FMO5: variants seen among roughly 807,000 people sequenced by gnomAD.
The protein encoded by FMO5 is flavin-containing monooxygenase 5.
In FMO5, 51 loss-of-function variants were observed where a neutral mutation model predicts 43.6. The ratio of observed to expected loss-of-function variants is 1.17; its 90% confidence interval spans 0.93 to 1.48. The LOEUF is 1.48. Among genes scored for constraint, FMO5 ranks in the 40% most tolerant of loss-of-function variants. The pLI is 0.00. For missense variants in FMO5, 644 were observed against 643.0 expected (o/e 1.00, Z -0.02); for synonymous variants, 187 against 216.5 (o/e 0.86, Z 1.20).
At chr1:147,219,129 C>G (rs1553925716) in intron 2 of FMO5, among the ~76,000 whole-genome samples, 1 of 152,024 alleles carries the variant, frequency 6.6e-6, no homozygotes, top group African/African-American at 2.4e-5. Context: ...TTTGGAGACA[C>G]CAAAAACTAT....
intron 6 of FMO5, chr1:147,204,987 A>ATG: frequency 9.8e-7 from 1 of 1,022,430 alleles, no homozygotes; most frequent in Non-Finnish European, 1.5e-6. Context: ...CGGAGGAACC[A>ATG]AAGGTTTTCA....
chr1:147,205,959 T>C (rs1428445289), intron 6 of FMO5, among the ~76,000 whole-genome samples: 1 of 151,984 alleles, frequency 6.6e-6, no homozygotes, highest in Non-Finnish European at 1.5e-5. Context: ...CAAAAGAAAC[T>C]ACCATCAAAG....
chr1:147,218,588 C>G (rs1358853949), intron 2 of FMO5, among the ~76,000 whole-genome samples: 3 of 152,150 alleles, frequency 2.0e-5, no homozygotes, highest in Admixed American at 1.3e-4. Flanking sequence ...CTGATAAATA[C>G]AAAGTAGATC....
Position 147,201,256 on chromosome 1 carries a change from TTA to T in FMO5, c.1077_1078del (p.Asn360ProfsTer34), listed in dbSNP as rs781928733. ...GATTGCAAGAGTTGGCCTTTCCAGG[TTA>T]GGAGGGAAGACCTTTTTATACAGGG... On this transcript the variant is annotated frameshift_variant, in exon 7 of 9. Transcript: ENST00000254090. LOFTEE classifies it high-confidence loss of function. 5 of 1,614,138 alleles carry T rather than the reference TTA, an allele frequency of 3.1e-6. No individual in the cohort carries two copies. In the East Asian group the frequency reaches 1.1e-4, roughly 36 times the overall value.
chr1:147,188,638 C>T (rs1656075422), intron 8 of FMO5, among the ~76,000 whole-genome samples: 1 of 149,744 alleles, frequency 6.7e-6, no homozygotes, highest in Admixed American at 6.7e-5. Context: ...ACAATGTATA[C>T]ACATAGTCGG....
chr1:147,201,792 T>C (rs959630059), intron 6 of FMO5, among the ~76,000 whole-genome samples: 4 of 152,138 alleles, frequency 2.6e-5, no homozygotes, highest in African/African-American at 9.7e-5. Context: ...ATTCTGTGTG[T>C]GATATGATAA....
chr1:147,198,872 A>AAAAAAAAAAAAAAAAAG (rs1553920319), intron 7 of FMO5, among the ~76,000 whole-genome samples: 1 of 144,594 alleles, frequency 6.9e-6, no homozygotes. Context: ...AAAAAAAAAA[A>AAAAAAAAAAAAAAAAAG]AAAGAAAGAA....
At chr1:147,199,601 G>A (rs980649180) in intron 7 of FMO5, among the ~76,000 whole-genome samples, 9 of 152,196 alleles carry the variant, frequency 5.9e-5, no homozygotes, top group Non-Finnish European at 1.3e-4. Context: ...GTTGCTTAAA[G>A]TATACTAAGA....
upstream of FMO5, among the ~76,000 whole-genome samples, chr1:147,226,838 C>CTTTTT (rs35603968): frequency 2.0e-5 from 3 of 148,942 alleles, no homozygotes; most frequent in East Asian, 2.0e-4. Flanking sequence ...AACTGTCGAA[C>CTTTTT]TTTTTTTTTT....
At chr1:147,216,967 G>A (rs28381177) in intron 2 of FMO5, among the ~76,000 whole-genome samples, 8 of 152,304 alleles carry the variant, frequency 5.3e-5, no homozygotes, top group Non-Finnish European at 7.4e-5. Flanking sequence ...GAGGCCGGGC[G>A]TGGTGGCTCA....
chr1:147,184,717 G>T, downstream of FMO5: 1 of 1,329,482 alleles, frequency 7.5e-7, no homozygotes, highest in South Asian at 2.2e-5. This position sits in a 1 kb window ranked among gnomAD's most constrained non-coding sequence, Gnocchi z 4.4. Context: ...CTATCAGTGT[G>T]ACTTATTACT....
At position 147,186,959 on chromosome 1, in the gene FMO5, T is replaced by C. The variant is rs1553917230; in HGVS notation, c.1543A>G (p.Thr515Ala). ...ERSSSMTSTMTIGKFMLALAF... is the reference protein window; with the variant it reads ...ERSSSMTSTMAIGKFMLALAF... The stretch of plus-strand genomic sequence containing the variant: ...AGAGCTAGCATAAACTTGCCTATTG[T>C]CATTGTTGAAGTCATAGAACTACTC... Residue 515 changes from threonine (T) to alanine (A), a missense_variant, in exon 9 of 9, where the codon ACA becomes GCA. Physicochemically the swap from Thr to Ala is moderately conservative, Grantham distance 58 (BLOSUM62 0). Transcript: ENST00000254090. 6.2e-7 allele frequency: 1 copy of C among 1,614,066 alleles called. No individual in the cohort carries two copies. Among genetic ancestry groups the C allele is most frequent in the Non-Finnish European group, 8.5e-7 (1 of 1,180,020 alleles).
intron 7 of FMO5, among the ~76,000 whole-genome samples, chr1:147,193,545 C>G (rs587722588): frequency 2.6e-5 from 4 of 152,192 alleles, no homozygotes; most frequent in African/African-American, 7.2e-5. Context: ...TTGCCTTCTT[C>G]TAGCTTTTGA....
At chr1:147,212,604 G>GTT in intron 4 of FMO5, 69 bp from the exon 5 acceptor site, 1 of 1,431,292 alleles carries the variant, frequency 7.0e-7, no homozygotes, top group Non-Finnish European at 9.5e-7. Flanking sequence ...CAAGTCATTT[G>GTT]TTTTTTTTGC....
chr1:147,220,942 T>TC (rs377219358), intron 2 of FMO5, among the ~76,000 whole-genome samples: 13 of 68,318 alleles, frequency 1.9e-4, no homozygotes, highest in African/African-American at 9.7e-4. Flanking sequence ...GTTTTAAGTT[T>TC]CCAAAAAAAA....
At chr1:147,223,860 G>T in intron 2 of FMO5, 1 of 341,658 alleles carries the variant, frequency 2.9e-6, no homozygotes, top group South Asian at 2.4e-5. Context: ...CACAAGCACA[G>T]ACCAGAGACA....
chr1:147,217,994 A>C (rs1175638319), intron 2 of FMO5, among the ~76,000 whole-genome samples: 1 of 152,238 alleles, frequency 6.6e-6, no homozygotes, highest in Non-Finnish European at 1.5e-5. Context: ...AGGGATATAC[A>C]GAATAAGATG....
chr1:147,211,490 A>T (rs971763542), intron 5 of FMO5: 24 of 152,294 alleles, frequency 1.6e-4, no homozygotes, highest in African/African-American at 5.8e-4. Context: ...AGTGTTTTTC[A>T]AACAAAGTTG....
chr1:147,209,732 CA>C (rs1437517374), intron 5 of FMO5: 1 of 152,248 alleles, frequency 6.6e-6, no homozygotes, highest in African/African-American at 2.4e-5. Flanking sequence ...GCTGACTATT[CA>C]GGCTGACAAT....
Sources: gnomAD v4.1 joint callset for allele counts (sites outside exome capture counted in the v4.1 genomes callset) on GRCh38, gnomAD v4.1.1 for gene constraint, Gnocchi (gnomAD v3.1) non-coding constraint, MANE v1.5 for transcripts, NCBI Gene and HGNC (gene_info 2026-07-23, HGNC 2026-07-21) for gene names.